Variants in PAM16 observed in about 807,000 individuals in gnomAD.
PAM16 encodes presequence translocase associated motor 16, also known as mitochondrial import inner membrane translocase subunit TIM16.
Under a neutral mutation model 17.9 loss-of-function variants are expected in PAM16, and 11 were observed. The observed-to-expected ratio is 0.62, with a 90% CI of 0.39 to 1.02. The LOEUF is 1.02. PAM16 is among the 50% of genes least tolerant of loss of function. The pLI is 0.01. For synonymous variants in PAM16, 72 were observed against 67.4 expected (o/e 1.07, Z -0.34); for missense variants, 199 against 165.4 (o/e 1.20, Z -1.11).
intron 1 of PAM16, 101 bp downstream of exon 1, chr16:4,351,131 G>T: frequency 1.7e-6 from 1 of 576,410 alleles, no homozygotes; most frequent in Non-Finnish European, 2.5e-6. Flanking sequence ...CACGCAGGGG[G>T]CGCACGGCGC....
At chr16:4,348,615 T>G (rs2053795200) in intron 1 of PAM16, 1 of 152,256 alleles carries the variant, frequency 6.6e-6, no homozygotes, top group African/African-American at 2.4e-5. Context: ...ATCCCCCGGG[T>G]GAAACCCTTT....
At chr16:4,344,996 C>G (rs2053731207) in intron 1 of PAM16, among the ~76,000 whole-genome samples, 1 of 152,084 alleles carries the variant, frequency 6.6e-6, no homozygotes, top group South Asian at 2.1e-4. Context: ...CTGCGAGCAG[C>G]CAATAGCCTA....
chr16:4,343,427 A>C, intron 1 of PAM16, 136 bp from the exon 2 acceptor site: 16 of 1,449,962 alleles, frequency 1.1e-5, no homozygotes, highest in Non-Finnish European at 1.5e-5. Flanking sequence ...CCCCAGGCCA[A>C]CCCCTCCAAA....
rs1277996689 is a variant in PAM16 at position 4,350,922 on chromosome 16, G to A, written c.3+310C>T. ...GCAGCGCTGTAAGGTTCCAGGGCAG[G>A]GGAGGCGCTCACCAGCCAGACTCAT... is the stretch of plus-strand genomic sequence containing the variant. On this transcript the variant is annotated intron_variant, in intron 1 of 4. Transcript: ENST00000318059. 2.2e-5 allele frequency: 6 copies of A among 274,804 alleles called. No homozygotes were observed. In the Admixed American group the frequency reaches 3.2e-4, roughly 15 times the overall value. 17.0% of individuals were successfully genotyped at this position (274,804 alleles called of 1,614,324 possible). A position where few individuals can be genotyped will look rare whatever the true frequency, so the allele number is the denominator to read the frequency against.
chr16:4,340,251 T>C lies in PAM16; in HGVS notation c.*68A>G, dbSNP rs944754839. ...AATCTGGACACATGCAAACGAGAAA[T>C]GCAGAAAAGAAATTTATTACCAAGC... On this transcript the variant is annotated 3_prime_UTR_variant, in exon 5 of 5. Coordinates refer to ENST00000318059, the MANE Select transcript of PAM16 (RefSeq NM_016069.11). 3.3e-6 allele frequency: 5 copies of C among 1,533,394 alleles called. No individual in the cohort carries two copies. In the African/African-American group the frequency reaches 5.6e-5, roughly 17 times the overall value. The allele number at this position is 1,533,394 out of a possible 1,614,324, so 95.0% of individuals were successfully genotyped here.
intron 1 of PAM16, chr16:4,347,396 TC>T (rs2053775083): frequency 2.0e-5 from 3 of 152,184 alleles, no homozygotes; most frequent in Admixed American, 2.0e-4. Context: ...CTCCTCGGCT[TC>T]CCAAAGTGCT....
chr16:4,349,654 C>T (rs2053815752), intron 1 of PAM16, among the ~76,000 whole-genome samples: 1 of 152,048 alleles, frequency 6.6e-6, no homozygotes, highest in Admixed American at 6.6e-5. Context: ...GTAGGCCCAA[C>T]TACTTGGGGG....
At chr16:4,345,152 G>C (rs1251316248) in intron 1 of PAM16, 2 of 152,156 alleles carry the variant, frequency 1.3e-5, no homozygotes, top group African/African-American at 2.4e-5. Flanking sequence ...GCGCGGGCTG[G>C]AGGCAGCTCG....
intron 1 of PAM16, among the ~76,000 whole-genome samples, chr16:4,349,815 CA>C (rs1359086619): frequency 4.6e-5 from 7 of 152,078 alleles, no homozygotes; most frequent in Non-Finnish European, 1.5e-5. Context: ...GAGCTGGGCT[CA>C]AAAGAGGTCT....
chr16:4,343,848 C>A, intron 1 of PAM16: 1 of 399,988 alleles, frequency 2.5e-6, no homozygotes, highest in Non-Finnish European at 4.4e-6. Context: ...AGCTAAAAGC[C>A]CACTAGGAGG....
At chr16:4,351,053 G>A (rs1308575981) in intron 1 of PAM16, 179 bp downstream of exon 1, 6 of 342,516 alleles carry the variant, frequency 1.8e-5, no homozygotes, top group East Asian at 1.4e-4. Flanking sequence ...CCCTGAGGCC[G>A]CCGGTGCCGC....
chr16:4,345,795 C>G (rs746110239), intron 1 of PAM16: 4 of 980,428 alleles, frequency 4.1e-6, no homozygotes, highest in Non-Finnish European at 4.8e-6. Context: ...CCTGACTTCG[C>G]CTCCTTCCTA....
At chr16:4,351,126 A>G (rs1450919096) in intron 1 of PAM16, 106 bp downstream of exon 1, 1 of 537,784 alleles carries the variant, frequency 1.9e-6, no homozygotes, top group Non-Finnish European at 2.8e-6. Context: ...CCGGGCACGC[A>G]GGGGGCGCAC....
rs1015167411 is a variant in PAM16 at position 4,351,254 on chromosome 16, G to A, written c.-20C>T. 2.9e-5 allele frequency: 42 copies of A among 1,467,826 alleles called. No homozygotes were observed. Among genetic ancestry groups the A allele is most frequent in the Non-Finnish European group, 3.5e-5 (39 of 1,102,946 alleles). The allele number at this position is 1,467,826 out of a possible 1,614,324, so 90.9% of individuals were successfully genotyped here. ...CACCATGGCAGCCGCTCTGCCTCCG[G>A]GGCTCAAACTCCGACTTCCTGGCCC... On this transcript the variant is annotated 5_prime_UTR_variant, in exon 1 of 5. Transcript: ENST00000318059.
chr16:4,348,239 T>C (rs1400661512), intron 1 of PAM16: 1 of 152,248 alleles, frequency 6.6e-6, no homozygotes, highest in Non-Finnish European at 1.5e-5. Flanking sequence ...TGAATGAATA[T>C]GGCTGTTGCA....
chr16:4,344,195 G>A (rs1221499738), intron 1 of PAM16: 17 of 346,970 alleles, frequency 4.9e-5, no homozygotes, highest in Non-Finnish European at 8.0e-5. Flanking sequence ...AGAGGAGGGG[G>A]TTCTGTGTGA....
intron 4 of PAM16, 55 bp downstream of exon 4, chr16:4,340,865 G>A: frequency 6.2e-7 from 1 of 1,603,332 alleles, no homozygotes; most frequent in Non-Finnish European, 8.5e-7. Context: ...TTGAGCCCCA[G>A]GTGAGAAGAA....
chr16:4,350,794 C>G (rs1206394183), intron 1 of PAM16: 2 of 160,292 alleles, frequency 1.2e-5, no homozygotes, highest in Admixed American at 6.5e-5. Context: ...ACAAACGCTC[C>G]GTGCTCGGTG....
chr16:4,343,125 G>A (rs997424902), intron 2 of PAM16, 82 bp downstream of exon 2: 2 of 1,587,168 alleles, frequency 1.3e-6, no homozygotes, highest in Non-Finnish European at 1.7e-6. Flanking sequence ...AGAACCGCCA[G>A]GCCTGAGGTG....
Sources: allele counts gnomAD v4.1 joint callset (sites outside exome capture counted in the v4.1 genomes callset), GRCh38; gene constraint gnomAD v4.1.1; transcripts MANE v1.5; gene names NCBI Gene and HGNC (gene_info 2026-07-23, HGNC 2026-07-21).